SLC26A11: variants seen among roughly 807,000 people sequenced by gnomAD.
The protein encoded by SLC26A11 is sodium-independent sulfate anion transporter.
A neutral mutation model predicts 62.2 loss-of-function variants in SLC26A11; 58 were observed. The observed-to-expected ratio is 0.93, with a 90% CI of 0.76 to 1.16. SLC26A11 has a LOEUF of 1.16. Ranked by LOEUF, SLC26A11 falls within the 50% of genes most tolerant of loss-of-function variation. The pLI is 0.00. For missense variants in SLC26A11, 790 were observed against 794.3 expected (o/e 0.99, Z 0.06); for synonymous variants, 411 against 368.9 (o/e 1.11, Z -1.31).
At chr17:80,234,306 C>T (rs545286642) in intron 7 of SLC26A11, among the ~76,000 whole-genome samples, 6 of 152,182 alleles carry the variant, frequency 3.9e-5, no homozygotes, top group Non-Finnish European at 7.3e-5. Context: ...TGCCTGGCCT[C>T]AGGACTTTAA....
chr17:80,227,905 C>T lies in SLC26A11; in HGVS notation c.681C>T (p.Pro227=), dbSNP rs776881691. The change falls in exon 7 of 18, where the codon CCC becomes CCT. Residue 227 remains proline (P), a synonymous_variant. Transcript: ENST00000361193. ...GGGACCACGTGCCTCCCGTCCACCC[C>T]GAGATGCCCCCTGGTGTGCGGCTCA... The part of the protein sequence containing the change: ...LMRDHVPPVH[P]EMPPGVRLSR... The T allele has an allele frequency of 3.7e-6, 6 of 1,601,362 alleles. No individual in the cohort carries two copies. Among genetic ancestry groups the T allele is most frequent in the East Asian group, 4.5e-5 (2 of 44,874 alleles).
Position 80,223,565 on chromosome 17 carries a change from T to A in SLC26A11, c.513+228T>A, listed in dbSNP as rs150676297. Reference sequence around the variant, plus strand: ...CGTGATGGTTGGATTTCACAGCGGGTAACTTGGGGGCCGGTAATTCCATCC... The same window carrying A: ...CGTGATGGTTGGATTTCACAGCGGGAAACTTGGGGGCCGGTAATTCCATCC... On this transcript the variant is annotated intron_variant, in intron 5 of 17. Coordinates refer to ENST00000361193, the MANE Select transcript of SLC26A11 (RefSeq NM_001166347.2). This position sits in a 1 kb window ranked among gnomAD's most constrained non-coding sequence, Gnocchi z 4.6. 2.4e-4 allele frequency among the ~76,000 whole-genome samples: 37 copies of A among 152,302 alleles called. No homozygotes were observed. The highest frequency in any genetic ancestry group is 7.5e-4 in the African/African-American group (31 of 41,582).
intron 10 of SLC26A11, among the ~76,000 whole-genome samples, chr17:80,244,583 T>C (rs765688141): frequency 2.0e-5 from 3 of 152,218 alleles, no homozygotes; most frequent in Non-Finnish European, 4.4e-5. Context: ...GGCTCACTCC[T>C]GTGATCCCAG....
intron 7 of SLC26A11, among the ~76,000 whole-genome samples, chr17:80,236,181 C>A (rs558521918): frequency 3.3e-5 from 5 of 152,308 alleles, no homozygotes; most frequent in African/African-American, 1.2e-4. Flanking sequence ...CCTTGTAACC[C>A]TCTTTGTGAC....
At chr17:80,230,787 G>T (rs1386123037) in intron 7 of SLC26A11, among the ~76,000 whole-genome samples, 1 of 152,170 alleles carries the variant, frequency 6.6e-6, no homozygotes, top group Non-Finnish European at 1.5e-5. Context: ...CCCAGTGTGT[G>T]TAGCATTGTC....
intron 5 of SLC26A11, among the ~76,000 whole-genome samples, chr17:80,224,053 T>G (rs1322275288): frequency 6.6e-6 from 1 of 152,110 alleles, no homozygotes; most frequent in Non-Finnish European, 1.5e-5. Flanking sequence ...TAGGGTCACA[T>G]GCTGCCTCCT....
chr17:80,222,858 A>C lies in SLC26A11; in HGVS notation c.427+11A>C. On this transcript the variant is annotated intron_variant, in intron 4 of 17. Coordinates refer to ENST00000361193, the MANE Select transcript of SLC26A11 (RefSeq NM_001166347.2). This position sits in a 1 kb window ranked among gnomAD's most constrained non-coding sequence, Gnocchi z 4.7. ...GGGTCCTGCGTTTGGGTGAGGCTCT[A>C]CCTTCTTGCCAAGGGGATGCCCTCG... 6.2e-7 allele frequency: 1 copy of C among 1,612,308 alleles called. No homozygotes were observed.
intron 7 of SLC26A11, among the ~76,000 whole-genome samples, chr17:80,234,220 C>T (rs963993342): frequency 2.0e-5 from 3 of 152,008 alleles, no homozygotes; most frequent in Non-Finnish European, 2.9e-5. Context: ...GGCCAGGCTG[C>T]TTTCGAACTC....
chr17:80,220,610 CG>C, intron 1 of SLC26A11, 114 bp downstream of exon 1: 1 of 327,842 alleles, frequency 3.1e-6, no homozygotes, highest in Non-Finnish European at 5.5e-6. Flanking sequence ...TCCTGAAGTG[CG>C]GGGGCCTCCC....
chr17:80,231,355 G>A (rs1598807400), intron 7 of SLC26A11, among the ~76,000 whole-genome samples: 3 of 151,184 alleles, frequency 2.0e-5, no homozygotes, highest in African/African-American at 7.3e-5. Context: ...GTGGAGACGG[G>A]GTTTCACCAT....
chr17:80,246,490 G>C lies in SLC26A11; in HGVS notation c.1154-19G>C, dbSNP rs1361267107. ...GGACCCTGCACTCCCGAGGTCACCT[G>C]TGTTCCCGTGCCCCGCAGGAGTGCT... On this transcript the variant is annotated intron_variant, in intron 12 of 17. Transcript: ENST00000361193. The surrounding 1 kb of genome is among the most constrained non-coding windows in gnomAD (Gnocchi z 4.4). 1.2e-6 allele frequency: 2 copies of C among 1,607,638 alleles called. No homozygotes were observed. The highest frequency in any genetic ancestry group is 1.7e-6 in the Non-Finnish European group (2 of 1,179,942).
In SLC26A11 at chr17:80,222,724, C is replaced by G; in HGVS notation, c.304C>G (p.Leu102Val). 6 of 1,614,186 alleles carry G rather than the reference C, an allele frequency of 3.7e-6. No homozygotes were observed. The highest frequency in any genetic ancestry group is 5.1e-6 in the Non-Finnish European group (6 of 1,180,040). ...CCTGGGCACCTCCCGGGATGTGACT[C>G]TGGGCCCCACCGCCATTATGTCCCT... ...FFLGTSRDVT[L>V]GPTAIMSLLV... Residue 102 changes from leucine to valine, a missense_variant, in exon 4 of 18, where the codon CTG becomes GTG. Physicochemically the swap from Leu to Val is conservative, Grantham distance 32. Coordinates refer to ENST00000361193, the MANE Select transcript of SLC26A11 (RefSeq NM_001166347.2). This position sits in a 1 kb window ranked among gnomAD's most constrained non-coding sequence, Gnocchi z 4.7.
At chr17:80,242,277 C>G (rs757956684) in intron 10 of SLC26A11, among the ~76,000 whole-genome samples, 1 of 152,124 alleles carries the variant, frequency 6.6e-6, no homozygotes, top group Non-Finnish European at 1.5e-5. Context: ...GCGCCTGGCT[C>G]TTCCAGAATA....
In SLC26A11 at chr17:80,245,256, G is replaced by A. The variant is rs1470362281; in HGVS notation, c.1097G>A (p.Arg366Gln). Residue 366 changes from arginine (R) to glutamine (Q), a missense_variant and splice_region_variant, in exon 11 of 18, where the codon CGG becomes CAG. Physicochemically the swap from Arg to Gln is conservative, Grantham distance 43 (BLOSUM62 1). Coordinates refer to ENST00000361193, the MANE Select transcript of SLC26A11 (RefSeq NM_001166347.2). ...TACCCGGTCACAGGCAGCTTTGGAC[G>A]GTGAGTGACCTGTCCGCCTCTTCTG... ...SSYPVTGSFG[R>Q]TAVNAQSGVC... The A allele has an allele frequency of 2.5e-6, 4 of 1,613,670 alleles. No individual in the cohort carries two copies. The African/African-American group carries it at 4.0e-5, about 16-fold the overall frequency.
chr17:80,222,564 C>G lies in SLC26A11; in HGVS notation c.235-91C>G. ...TTAACCTGGGCCTGGACACAGCTGACACCCACACATCCCGAGCTTGGACAC... is the reference window on the plus strand; with the variant it reads ...TTAACCTGGGCCTGGACACAGCTGAGACCCACACATCCCGAGCTTGGACAC... On this transcript the variant is annotated intron_variant, in intron 3 of 17. Coordinates refer to ENST00000361193, the MANE Select transcript of SLC26A11 (RefSeq NM_001166347.2). This position sits in a 1 kb window ranked among gnomAD's most constrained non-coding sequence, Gnocchi z 4.7. 1 of 1,340,176 alleles carries G rather than the reference C, an allele frequency of 7.5e-7. No homozygotes were observed. The highest frequency in any genetic ancestry group is 1.0e-6 in the Non-Finnish European group (1 of 953,190). The allele number at this position is 1,340,176 out of a possible 1,614,324, so 83.0% of individuals were successfully genotyped here.
chr17:80,224,483 AAAG>A (rs943906707), intron 5 of SLC26A11, among the ~76,000 whole-genome samples: 4 of 151,948 alleles, frequency 2.6e-5, no homozygotes, highest in Non-Finnish European at 1.5e-5. Flanking sequence ...GTGTGAGAAT[AAAG>A]TAGACACTTT....
In SLC26A11 at chr17:80,222,466, C is replaced by T; in HGVS notation, c.235-189C>T. On this transcript the variant is annotated intron_variant, in intron 3 of 17. Transcript: ENST00000361193. This position sits in a 1 kb window ranked among gnomAD's most constrained non-coding sequence, Gnocchi z 4.7. The stretch of plus-strand genomic sequence containing the variant: ...TGCCTGGCTGTCTGCACCCTGAGGC[C>T]CCAGTTGAGTGCTGCTAAAAAAGTG... 1.7e-6 allele frequency: 1 copy of T among 600,154 alleles called. No homozygotes were observed. The highest frequency in any genetic ancestry group is 3.0e-5 in the Admixed American group (1 of 33,844). 37.2% of individuals were successfully genotyped at this position (600,154 alleles called of 1,614,324 possible).
chr17:80,226,903 C>T (rs1396831693), intron 6 of SLC26A11, among the ~76,000 whole-genome samples: 2 of 152,198 alleles, frequency 1.3e-5, no homozygotes, highest in Non-Finnish European at 2.9e-5. Context: ...ATCTTCCCCT[C>T]CCCTCTGATC....
chr17:80,226,606 CAGG>C (rs2042418285), intron 6 of SLC26A11, among the ~76,000 whole-genome samples: 1 of 152,168 alleles, frequency 6.6e-6, no homozygotes, highest in African/African-American at 2.4e-5. Flanking sequence ...GAGGCTGAGG[CAGG>C]AGGATTGCTT....
Sources: gnomAD v4.1 joint callset for allele counts (sites outside exome capture counted in the v4.1 genomes callset) on GRCh38, gnomAD v4.1.1 for gene constraint, Gnocchi (gnomAD v3.1) non-coding constraint, MANE v1.5 for transcripts, NCBI Gene and HGNC (gene_info 2026-07-23, HGNC 2026-07-21) for gene names.